DNAH9: variants seen among roughly 807,000 people sequenced by gnomAD.
DNAH9 encodes DNAH9 variant protein.
Under a neutral mutation model 471.6 loss-of-function variants are expected in DNAH9, and 345 were observed. The observed-to-expected ratio is 0.73, with a 90% CI of 0.67 to 0.80. The LOEUF (loss-of-function observed/expected upper bound fraction) is 0.80. DNAH9 is among the 30% of genes least tolerant of loss of function. DNAH9 has a pLI of 0.00. For synonymous variants in DNAH9, 2,093 were observed against 2,123.6 expected (o/e 0.99, Z 0.40); for missense variants, 5,407 against 5,609.2 (o/e 0.96, Z 1.15).
chr17:11,849,262 A>G (rs1326926357), intron 49 of DNAH9, among the ~76,000 whole-genome samples: 1 of 152,134 alleles, frequency 6.6e-6, no homozygotes, highest in Admixed American at 6.5e-5. Flanking sequence ...CCCTGCCTAG[A>G]TGGCTAAGCT....
chr17:11,823,387 T>G (rs578040371), intron 48 of DNAH9, among the ~76,000 whole-genome samples: 4 of 152,180 alleles, frequency 2.6e-5, no homozygotes, highest in Non-Finnish European at 4.4e-5. Context: ...GAAGCACCTC[T>G]TCCCTCTTCC....
At chr17:11,761,077 T>C (rs1368276937) in intron 35 of DNAH9, among the ~76,000 whole-genome samples, 2 of 152,238 alleles carry the variant, frequency 1.3e-5, no homozygotes, top group Non-Finnish European at 2.9e-5. Flanking sequence ...TTTCCTACTG[T>C]TCCTTTAAAA....
At position 11,835,384 on chromosome 17, in the gene DNAH9, C is replaced by T. The variant is rs576794214; in HGVS notation, c.9507+486C>T. Reference sequence around the variant, plus strand: ...ATAAGAGAATAAAATAATATGTTAGCCTCAAAATATACTTTTTAATCTATA... The same window carrying T: ...ATAAGAGAATAAAATAATATGTTAGTCTCAAAATATACTTTTTAATCTATA... On this transcript the variant is annotated intron_variant, in intron 49 of 68. Coordinates refer to ENST00000262442, the MANE Select transcript of DNAH9 (RefSeq NM_001372.4). 5.9e-5 allele frequency among the ~76,000 whole-genome samples: 9 copies of T among 152,162 alleles called. No homozygotes were observed. The South Asian group carries it at 1.9e-3, about 32-fold the overall frequency.
At chr17:11,752,704 G>T (rs1040092415) in intron 32 of DNAH9, 129 bp from the exon 33 acceptor site, 19 of 573,768 alleles carry the variant, frequency 3.3e-5, no homozygotes, top group East Asian at 6.8e-5. Flanking sequence ...ATAAAACCAG[G>T]TCTGATCTGC....
At chr17:11,835,610 G>T (rs1333843703) in intron 49 of DNAH9, among the ~76,000 whole-genome samples, 1 of 152,180 alleles carries the variant, frequency 6.6e-6, no homozygotes, top group Non-Finnish European at 1.5e-5. Flanking sequence ...AAGAGGGGCA[G>T]TCAGACTCAA....
chr17:11,854,355 A>G lies in DNAH9; in HGVS notation c.9860A>G (p.Gln3287Arg). ...TTCTGTGATGTGGAACCCAAGCGCC[A>G]GGCACTGAACAAAGCCACCGCGGAC... is the stretch of plus-strand genomic sequence containing the variant. ...EVFCDVEPKRQALNKATADLT... is the reference protein window; with the variant it reads ...EVFCDVEPKRRALNKATADLT... Residue 3287 changes from glutamine (Q) to arginine (R), a missense_variant, in exon 50 of 69, where the codon CAG becomes CGG. Gln to Arg is a conservative substitution (Grantham distance 43). Transcript: ENST00000262442. 1 of 1,614,072 alleles carries G rather than the reference A, an allele frequency of 6.2e-7. No homozygotes were observed. The highest frequency in any genetic ancestry group is 8.5e-7 in the Non-Finnish European group (1 of 1,180,012).
Position 11,942,357 on chromosome 17 carries a change from C to G in DNAH9, c.12715C>G (p.Pro4239Ala). 2.5e-6 allele frequency: 4 copies of G among 1,614,152 alleles called. No individual in the cohort carries two copies. The highest frequency in any genetic ancestry group is 1.6e-4 in the Middle Eastern group (1 of 6,062). ...GCGGGTGACAGACGAGTTTAACATC[C>G]CAGAACTGATGGCCAAAGTGGAGGA... ...LERVTDEFNIPELMAKVEERT... is the reference protein window; with the variant it reads ...LERVTDEFNIAELMAKVEERT... The change falls in exon 67 of 69, where the codon CCA becomes GCA. Residue 4239 changes from proline (P) to alanine (A), a missense_variant. This residue lies in a region of DNAH9 where 4,636 missense variants were observed against 4,900.3 expected (regional missense o/e 0.95). Transcript: ENST00000262442.
In DNAH9 at chr17:11,679,742, G is replaced by A. The variant is rs2074102052; in HGVS notation, c.3354-15G>A. Reference sequence around the variant, plus strand: ...GAACGAGAATGGTTCCTCATGTTCTGTTTGTGTTGATTAGCTTGGCCAACC... The same window carrying A: ...GAACGAGAATGGTTCCTCATGTTCTATTTGTGTTGATTAGCTTGGCCAACC... On this transcript the variant is annotated splice_polypyrimidine_tract_variant and intron_variant, in intron 17 of 68. Coordinates refer to ENST00000262442, the MANE Select transcript of DNAH9 (RefSeq NM_001372.4). 3.2e-6 allele frequency: 5 copies of A among 1,564,672 alleles called. No homozygotes were observed. Among genetic ancestry groups the A allele is most frequent in the South Asian group, 1.1e-5 (1 of 90,084 alleles).
intron 22 of DNAH9, 104 bp from the exon 23 acceptor site, chr17:11,699,627 C>T: frequency 8.0e-6 from 8 of 1,000,170 alleles, no homozygotes; most frequent in Non-Finnish European, 1.2e-5. Context: ...GTATCCACCA[C>T]TCTGTCTTTC....
chr17:11,869,078 A>G (rs1972166565), intron 50 of DNAH9, 56 bp from the exon 51 acceptor site: 2 of 1,595,604 alleles, frequency 1.3e-6, no homozygotes, highest in Non-Finnish European at 1.7e-6. Context: ...TCTAATGAGC[A>G]CTGGTAGTTA....
At chr17:11,930,489 G>A (rs528324505) in intron 63 of DNAH9, among the ~76,000 whole-genome samples, 27 of 152,154 alleles carry the variant, frequency 1.8e-4, no homozygotes, top group Non-Finnish European at 3.7e-4. Flanking sequence ...ACGTCTACAT[G>A]AATCTTGAGT....
intron 40 of DNAH9, 31 bp from the exon 41 acceptor site, chr17:11,784,269 T>C: frequency 6.2e-7 from 1 of 1,610,754 alleles, no homozygotes; most frequent in Non-Finnish European, 8.5e-7. Flanking sequence ...TGGTAACGGA[T>C]GTTGAGCTCA....
chr17:11,898,036 G>A (rs1036174534), intron 59 of DNAH9, among the ~76,000 whole-genome samples: 1 of 152,134 alleles, frequency 6.6e-6, no homozygotes, highest in African/African-American at 2.4e-5. Flanking sequence ...CATAACTCCA[G>A]GGTCTGTCTC....
At chr17:11,828,402 G>A (rs138591832) in intron 48 of DNAH9, among the ~76,000 whole-genome samples, 2,294 of 151,756 alleles carry the variant, frequency 0.015, 54 homozygotes, top group African/African-American at 0.052. Flanking sequence ...GAACCTGGGC[G>A]GTGGAGGTTG....
chr17:11,698,464 A>G (rs545475559), intron 22 of DNAH9, among the ~76,000 whole-genome samples: 4 of 149,702 alleles, frequency 2.7e-5, no homozygotes, highest in South Asian at 4.2e-4. Flanking sequence ...ATATTTTCAT[A>G]GGTTCTATAT....
rs372936313 is a variant in DNAH9 at position 11,679,806 on chromosome 17, A to G, written c.3403A>G (p.Lys1135Glu). The change falls in exon 18 of 69, where the codon AAG (lysine) becomes GAG (glutamate). Residue 1135 changes from lysine (K) to glutamate (E), a missense_variant. Physicochemically the swap from Lys to Glu is moderately conservative, Grantham distance 56. Around this residue, in one of 3 missense-constraint regions of DNAH9, gnomAD observed 4,636 missense variants for 4,900.3 expected, o/e 0.95. Coordinates refer to ENST00000262442, the MANE Select transcript of DNAH9 (RefSeq NM_001372.4). ...AAAGAAGAGTGAGAGCGGCTTACTCAAGAAAGTTGAAAAAGGAGATTTCCA... is the reference window on the plus strand; with the variant it reads ...AAAGAAGAGTGAGAGCGGCTTACTCGAGAAAGTTGAAAAAGGAGATTTCCA... Reference protein sequence around the residue: ...FIKKSESGLLKKVEKGDFQGL... With the variant: ...FIKKSESGLLEKVEKGDFQGL... 2 of 1,614,082 alleles carry G rather than the reference A, an allele frequency of 1.2e-6. No homozygotes were observed. The highest frequency in any genetic ancestry group is 1.7e-6 in the Non-Finnish European group (2 of 1,180,034).
At chr17:11,775,876 G>C (rs1267101315) in intron 38 of DNAH9, among the ~76,000 whole-genome samples, 3 of 152,170 alleles carry the variant, frequency 2.0e-5, no homozygotes, top group African/African-American at 7.2e-5. Flanking sequence ...ATAGGCGTGA[G>C]CCACCGCGCC....
At chr17:11,719,194 T>A in intron 26 of DNAH9, 140 bp from the exon 27 acceptor site, 1 of 757,162 alleles carries the variant, frequency 1.3e-6, no homozygotes, top group Non-Finnish European at 2.1e-6. Flanking sequence ...CTCCCCACAG[T>A]GCTGTGGGGA....
Position 11,623,380 on chromosome 17 carries a change from C to A in DNAH9, c.1350+3599C>A, listed in dbSNP as rs1423621195. 6.6e-6 allele frequency among the ~76,000 whole-genome samples: 1 copy of A among 152,068 alleles called. No homozygotes were observed. Among genetic ancestry groups the A allele is most frequent in the African/African-American group, 2.4e-5 (1 of 41,412 alleles). On this transcript the variant is annotated intron_variant, in intron 6 of 68. Transcript: ENST00000262442. The surrounding 1 kb of genome is among the most constrained non-coding windows in gnomAD (Gnocchi z 4.1). ...TTTGTTCTCCTTCTCTATTTTCTAA[C>A]TTCCCTGACCTCTTTGTTTGCCCTG...
Sources: gnomAD v4.1 joint callset for allele counts (sites outside exome capture counted in the v4.1 genomes callset) on GRCh38, gnomAD v4.1.1 for gene constraint, gnomAD v4.1.1 regional missense constraint, Gnocchi (gnomAD v3.1) non-coding constraint, MANE v1.5 for transcripts, NCBI Gene and HGNC (gene_info 2026-07-23, HGNC 2026-07-21) for gene names.